Variants in DST observed in about 807,000 individuals in gnomAD.
DST encodes the protein dystonin, also known as bullous pemphigoid antigen.
In DST, 253 loss-of-function variants were observed where a neutral mutation model predicts 875.2. The observed-to-expected ratio is 0.29, with a 90% confidence interval of 0.26 to 0.32. The LOEUF (loss-of-function observed/expected upper bound fraction) is 0.32. Among genes scored for constraint, DST ranks in the 10% least tolerant of loss-of-function variants. The pLI, the probability that DST is intolerant of heterozygous loss-of-function variation, is 1.00. For synonymous variants in DST, 3,124 were observed against 3,197.1 expected (o/e 0.98, Z 0.77); for missense variants, 8,287 against 9,111.6 (o/e 0.91, Z 3.68).
chr6:56,623,237 T>C (rs2098706166), intron 36 of DST, among the ~76,000 whole-genome samples: 2 of 152,178 alleles, frequency 1.3e-5, no homozygotes, highest in Admixed American at 1.3e-4. Flanking sequence ...ATAAATCGAG[T>C]AAGTGGCCCA....
At chr6:56,822,657 T>C (rs766098318) in intron 4 of DST, among the ~76,000 whole-genome samples, 13 of 152,002 alleles carry the variant, frequency 8.6e-5, no homozygotes, top group Non-Finnish European at 1.6e-4. Flanking sequence ...AAATAAATCA[T>C]TAAAATGATA....
At chr6:56,542,351 C>CT (rs1306891537) in intron 61 of DST, among the ~76,000 whole-genome samples, 1 of 141,034 alleles carries the variant, frequency 7.1e-6, no homozygotes, top group Non-Finnish European at 1.5e-5. Context: ...AAACACCAGA[C>CT]TTTTAGACAC....
At chr6:56,858,013 A>AT (rs1768877514) in intron 3 of DST, among the ~76,000 whole-genome samples, 1 of 152,218 alleles carries the variant, frequency 6.6e-6, no homozygotes, top group Admixed American at 6.5e-5. Flanking sequence ...CAATTAAGGT[A>AT]TGAAATCTTT....
chr6:56,475,523 T>G (rs1380675837), intron 92 of DST, among the ~76,000 whole-genome samples: 1 of 151,758 alleles, frequency 6.6e-6, no homozygotes, highest in Non-Finnish European at 1.5e-5. Flanking sequence ...CTGTGAGCAA[T>G]CAAGTAAATC....
intron 34 of DST, among the ~76,000 whole-genome samples, chr6:56,625,937 T>C (rs1295982138): frequency 6.7e-6 from 1 of 149,714 alleles, no homozygotes; most frequent in Non-Finnish European, 1.5e-5. Flanking sequence ...ATGTGTATGT[T>C]TGTCTCTTAG....
At position 56,639,991 on chromosome 6, in the gene DST, T is replaced by C; in HGVS notation, c.2557A>G (p.Lys853Glu). 5 of 1,614,002 alleles carry C rather than the reference T, an allele frequency of 3.1e-6. No homozygotes were observed. The highest frequency in any genetic ancestry group is 4.2e-6 in the Non-Finnish European group (5 of 1,179,896). Residue 853 changes from lysine (K) to glutamate (E), a missense_variant, in exon 19 of 104, where the codon AAA (lysine) becomes GAA (glutamate). Physicochemically the swap from Lys to Glu is moderately conservative, Grantham distance 56. Transcript: ENST00000680361. ...TCTTCAATAGCTCTATGAACATTTT[T>C]ATGATTTTCTAAATGGCTTTCAACA... ...PSVESHLENH[K>E]NVHRAIEEFE...
chr6:56,627,389 C>T lies in DST; in HGVS notation c.4639-102G>A, dbSNP rs116164405. The stretch of plus-strand genomic sequence containing the variant: ...GACATATCTACATCACTTCACAGTA[C>T]AGCTCCTTAGCCCTTTGCACTTAAT... On this transcript the variant is annotated intron_variant, in intron 33 of 103. Coordinates refer to ENST00000680361, the MANE Select transcript of DST (RefSeq NM_001374736.1). 2.7e-3 allele frequency: 2,244 copies of T among 835,436 alleles called. 33 individuals carry two copies. The African/African-American group carries it at 0.033, about 12-fold the overall frequency. 51.8% of individuals were successfully genotyped at this position (835,436 alleles called of 1,614,324 possible). A position where few individuals can be genotyped will look rare whatever the true frequency, so the allele number is the denominator to read the frequency against.
In DST at chr6:56,938,756, T is replaced by C. The variant is rs563382499; in HGVS notation, c.216+15029A>G. ...CAAGAGGCCTCATGCACTTCCACTCTTGCTGCTTTTGGAACCCAAACCTAA... is the reference window on the plus strand; with the variant it reads ...CAAGAGGCCTCATGCACTTCCACTCCTGCTGCTTTTGGAACCCAAACCTAA... On this transcript the variant is annotated intron_variant, in intron 2 of 103. Transcript: ENST00000680361. Among the ~76,000 whole-genome samples the C allele has an allele frequency of 2.0e-5, 3 of 152,308 alleles. No homozygotes were observed. In the South Asian group the frequency reaches 6.2e-4, roughly 32 times the overall value.
In DST at chr6:56,608,753, T is replaced by C; in HGVS notation, c.5875A>G (p.Ile1959Val). The change falls in exon 40 of 104, where the codon ATA (isoleucine) becomes GTA (valine). Residue 1959 changes from isoleucine to valine, a missense_variant. Around this residue, in one of 10 missense-constraint regions of DST, gnomAD observed 3,138 missense variants for 3,116.6 expected, o/e 1.01. Transcript: ENST00000680361. ...LPVRPQEGGR[I>V]TLKCGRNISI... The stretch of plus-strand genomic sequence containing the variant: ...ATGTTTCTTCCACATTTTAATGTTA[T>C]TCTACCTCCTTCTTGTGGTCTCACA... The C allele has an allele frequency of 6.2e-7, 1 of 1,609,070 alleles. No homozygotes were observed. Among genetic ancestry groups the C allele is most frequent in the Non-Finnish European group, 8.5e-7 (1 of 1,177,384 alleles).
chr6:56,865,809 C>T (rs1316141363), intron 3 of DST, among the ~76,000 whole-genome samples: 1 of 152,172 alleles, frequency 6.6e-6, no homozygotes, highest in East Asian at 1.9e-4. Context: ...CCAAAAACTG[C>T]TGCCACAATG....
intron 4 of DST, among the ~76,000 whole-genome samples, chr6:56,796,564 A>T (rs935869558): frequency 2.0e-5 from 3 of 152,208 alleles, no homozygotes; most frequent in African/African-American, 7.2e-5. Flanking sequence ...AAATATCAAA[A>T]GAAACAGCCT....
chr6:56,504,363 A>G (rs964575581), intron 77 of DST, among the ~76,000 whole-genome samples: 1 of 152,122 alleles, frequency 6.6e-6, no homozygotes, highest in Non-Finnish European at 1.5e-5. Context: ...ACTTCTAAAA[A>G]AATCATTTGA....
intron 2 of DST, among the ~76,000 whole-genome samples, chr6:56,947,013 A>G (rs1424276220): frequency 1.3e-5 from 2 of 152,130 alleles, no homozygotes; most frequent in Admixed American, 1.3e-4. Context: ...CCCTGGAGAG[A>G]TGGTGTCTGC....
intron 88 of DST, chr6:56,483,734 T>TA (rs1251297737): frequency 2.6e-5 from 4 of 151,964 alleles, no homozygotes; most frequent in African/African-American, 7.2e-5. Context: ...AATGTGTTTT[T>TA]AAAAAAATCA....
chr6:56,769,675 C>T (rs183876418), intron 4 of DST, among the ~76,000 whole-genome samples: 13 of 152,124 alleles, frequency 8.5e-5, no homozygotes, highest in East Asian at 3.9e-4. Flanking sequence ...AAACTAGCCA[C>T]GTGTAGTGGC....
intron 67 of DST, 141 bp from the exon 68 acceptor site, chr6:56,527,875 G>T: frequency 1.1e-6 from 1 of 877,288 alleles, no homozygotes; most frequent in Non-Finnish European, 1.6e-6. Flanking sequence ...CTCAAGAGAA[G>T]CCCTTTTCTA....
In DST at chr6:56,561,394, T is replaced by C. The variant is rs200029966; in HGVS notation, c.14224A>G (p.Lys4742Glu). The change falls in exon 57 of 104, where the codon AAA becomes GAA. Residue 4742 changes from lysine (K) to glutamate (E), a missense_variant. Transcript: ENST00000680361. Reference sequence around the variant, plus strand: ...CATTTTGTTGCAGTTTTGTTCATTTTCTGTAACCACTGCATCATTGCACTT... The same window carrying C: ...CATTTTGTTGCAGTTTTGTTCATTTCCTGTAACCACTGCATCATTGCACTT... ...ESSAMMQWLQ[K>E]MNKTATKWQQ... The C allele has an allele frequency of 4.9e-5, 79 of 1,613,918 alleles. No homozygotes were observed. In the African/African-American group the frequency reaches 1.0e-3, roughly 21 times the overall value.
intron 4 of DST, among the ~76,000 whole-genome samples, chr6:56,804,381 C>T (rs867169768): frequency 6.6e-6 from 1 of 152,008 alleles, no homozygotes; most frequent in East Asian, 1.9e-4. Context: ...GTAATTATGA[C>T]CCTAGTTTCA....
At position 56,650,939 on chromosome 6, in the gene DST, C is replaced by T. The variant is rs1197035947; in HGVS notation, c.1421G>A (p.Gly474Asp). The change falls in exon 12 of 104, where the codon GGC (glycine) becomes GAC (aspartate). Residue 474 changes from glycine (G) to aspartate (D), a missense_variant. By Grantham distance (94) the Gly-to-Asp change is moderately conservative (BLOSUM62 -1). This residue lies in a region of DST where 1,160 missense variants were observed against 1,424.3 expected (regional missense o/e 0.81). Transcript: ENST00000680361. ...ATCAATACTCACATTTGCACCAATG[C>T]CTTCCCCACCTTCAGGGACTTTAGG... Reference protein sequence around the residue: ...AFPKVPEGGEGIGANDVEVKW... With the variant: ...AFPKVPEGGEDIGANDVEVKW... The T allele has an allele frequency of 3.1e-6, 5 of 1,609,598 alleles. No homozygotes were observed. The highest frequency in any genetic ancestry group is 1.1e-5 in the South Asian group (1 of 90,738).
Sources: gnomAD v4.1 joint callset for allele counts (sites outside exome capture counted in the v4.1 genomes callset) on GRCh38, gnomAD v4.1.1 for gene constraint, gnomAD v4.1.1 regional missense constraint, MANE v1.5 for transcripts, NCBI Gene and HGNC (gene_info 2026-07-23, HGNC 2026-07-21) for gene names.